The following GRAMD4 variants were observed in gnomAD, a reference collection of about 807,000 sequenced individuals.
GRAMD4 encodes GRAM domain containing 4, also known as GRAM domain-containing protein 4.
Under a neutral mutation model 83.9 loss-of-function variants are expected in GRAMD4, and 25 were observed. That is an observed-to-expected ratio of 0.30 (90% CI 0.22 to 0.42). The LOEUF (loss-of-function observed/expected upper bound fraction) is 0.42. GRAMD4 is among the 10% of genes least tolerant of loss of function. The pLI, the probability that GRAMD4 is intolerant of heterozygous loss-of-function variation, is 1.00. For missense variants in GRAMD4, 593 were observed against 788.7 expected, an observed-to-expected ratio of 0.75 and a Z score of 2.97; for synonymous variants, 336 against 320.9, an observed-to-expected ratio of 1.05 and a Z score of -0.50.
upstream of GRAMD4, among the ~76,000 whole-genome samples, chr22:46,615,485 T>C (rs890634064): frequency 4.3e-5 from 6 of 140,594 alleles, no homozygotes; most frequent in African/African-American, 1.6e-4. Flanking sequence ...TTGTGTAGGT[T>C]CCCCCGTGTG....
intron 1 of GRAMD4, among the ~76,000 whole-genome samples, chr22:46,609,284 T>C (rs2081395364): frequency 6.6e-6 from 1 of 152,216 alleles, no homozygotes; most frequent in Non-Finnish European, 1.5e-5. Context: ...GTCCACCTTC[T>C]CCTGGCTGTG....
At chr22:46,579,396 T>C (rs2081075825) in intron 1 of GRAMD4, among the ~76,000 whole-genome samples, 1 of 152,198 alleles carries the variant, frequency 6.6e-6, no homozygotes, top group African/African-American at 2.4e-5. Flanking sequence ...CCATTTCTGC[T>C]GTAGAATAGA....
intron 10 of GRAMD4, 73 bp downstream of exon 10, chr22:46,666,946 G>T: frequency 2.8e-6 from 3 of 1,087,268 alleles, no homozygotes; most frequent in South Asian, 3.0e-5. Flanking sequence ...TGTAGGCACC[G>T]CTCGGGGAAG....
chr22:46,578,994 G>T (rs1331895739), intron 1 of GRAMD4, among the ~76,000 whole-genome samples: 1 of 152,242 alleles, frequency 6.6e-6, no homozygotes, highest in African/African-American at 2.4e-5. Context: ...CTGCTCTGCT[G>T]CTCTTTCCTC....
downstream of GRAMD4, chr22:46,682,380 A>G: frequency 1.0e-6 from 1 of 963,862 alleles, no homozygotes. Context: ...TCTGTAAATG[A>G]TATGATGACA....
intron 3 of GRAMD4, among the ~76,000 whole-genome samples, chr22:46,650,349 GGAGGGCT>G (rs1428978696): frequency 3.3e-5 from 5 of 149,880 alleles, no homozygotes; most frequent in Non-Finnish European, 7.5e-5. Context: ...GAGGCTGGGT[GGAGGGCT>G]GCGTGTCGAG....
intron 3 of GRAMD4, among the ~76,000 whole-genome samples, chr22:46,641,578 G>T (rs1263430232): frequency 6.6e-6 from 1 of 152,200 alleles, no homozygotes; most frequent in Non-Finnish European, 1.5e-5. Flanking sequence ...TGGTAGACCA[G>T]GTCACCTGCT....
intron 3 of GRAMD4, among the ~76,000 whole-genome samples, chr22:46,644,191 C>CCA (rs2147256750): frequency 6.6e-6 from 1 of 152,372 alleles, no homozygotes; most frequent in African/African-American, 2.4e-5. Context: ...TGCCCCTGTT[C>CCA]TATGTTACAC....
At chr22:46,608,972 G>A (rs909629151) in intron 1 of GRAMD4, among the ~76,000 whole-genome samples, 2 of 151,864 alleles carry the variant, frequency 1.3e-5, no homozygotes, top group African/African-American at 2.4e-5. Flanking sequence ...CAGAGGCTGA[G>A]TTGCGAGGAT....
At chr22:46,667,675 C>G (rs1263511270) in intron 10 of GRAMD4, among the ~76,000 whole-genome samples, 1 of 152,222 alleles carries the variant, frequency 6.6e-6, no homozygotes, top group African/African-American at 2.4e-5. Flanking sequence ...GGGCAAGTAC[C>G]TGGAGGAGGC....
chr22:46,601,190 G>C (rs2147051076), intron 1 of GRAMD4, among the ~76,000 whole-genome samples: 1 of 152,102 alleles, frequency 6.6e-6, no homozygotes, highest in East Asian at 1.9e-4. Context: ...GTGAAGAGGG[G>C]TGCCGACATT....
rs1051398153 is a variant in GRAMD4, at chr22:46,672,253, G to C, written c.1085-590G>C. Among the ~76,000 whole-genome samples, 1 of 152,204 alleles carries C rather than the reference G, an allele frequency of 6.6e-6. No individual in the cohort carries two copies. The highest frequency in any genetic ancestry group is 6.5e-5 in the Admixed American group (1 of 15,280). ...TTTAGTAGGGGGACTGACCATGATT[G>C]TGTCAGGTGACAGTATCGGGGAGAA... is the stretch of plus-strand genomic sequence containing the variant. On this transcript the variant is annotated intron_variant, in intron 13 of 18. Coordinates refer to ENST00000406902, the MANE Select transcript of GRAMD4 (RefSeq NM_015124.5). The surrounding 1 kb of genome is among the most constrained non-coding windows in gnomAD (Gnocchi z 4.7).
At chr22:46,682,369 A>G, downstream of GRAMD4, 7 of 917,480 alleles carry the variant, frequency 7.6e-6, no homozygotes, top group Non-Finnish European at 9.1e-6. Context: ...AGCTGTTACT[A>G]TCTGTAAATG....
chr22:46,629,068 C>A (rs1056389733), intron 2 of GRAMD4, among the ~76,000 whole-genome samples: 1 of 152,040 alleles, frequency 6.6e-6, no homozygotes, highest in Non-Finnish European at 1.5e-5. Context: ...CTGGGGCCCC[C>A]CTTCCTCGAG....
intron 1 of GRAMD4, among the ~76,000 whole-genome samples, chr22:46,592,823 G>A (rs1158560892): frequency 1.3e-5 from 2 of 152,140 alleles, no homozygotes; most frequent in African/African-American, 4.8e-5. Context: ...AGTTCCACAT[G>A]GAGACAATGA....
At chr22:46,653,590 T>C (rs2082198667) in intron 3 of GRAMD4, among the ~76,000 whole-genome samples, 1 of 152,224 alleles carries the variant, frequency 6.6e-6, no homozygotes. Context: ...CTCTGCCGCG[T>C]GGTGGAACCT....
chr22:46,662,476 C>G (rs2082342533), intron 5 of GRAMD4, among the ~76,000 whole-genome samples: 1 of 152,240 alleles, frequency 6.6e-6, no homozygotes, highest in South Asian at 2.1e-4. Context: ...CAGAGGTGTT[C>G]GCTTTTGGTA....
chr22:46,638,860 C>T lies in GRAMD4; in HGVS notation c.283+900C>T, dbSNP rs552199654. Among the ~76,000 whole-genome samples, 17 of 152,322 alleles carry T rather than the reference C, an allele frequency of 1.1e-4. No homozygotes were observed. In the East Asian group the frequency reaches 2.9e-3, roughly 26 times the overall value. ...GCACAGGTCACTTCCTTCTGGGTGT[C>T]GTGCCCAGCCAGGGTCTTTTCCATG... On this transcript the variant is annotated intron_variant, in intron 3 of 18. Transcript: ENST00000406902.
chr22:46,667,683 G>A (rs2082431514), intron 10 of GRAMD4, among the ~76,000 whole-genome samples: 1 of 152,238 alleles, frequency 6.6e-6, no homozygotes, highest in Non-Finnish European at 1.5e-5. Flanking sequence ...ACCTGGAGGA[G>A]GCAGGCTGTT....
Sources: allele counts gnomAD v4.1 joint callset (sites outside exome capture counted in the v4.1 genomes callset), GRCh38; gene constraint gnomAD v4.1.1; non-coding constraint Gnocchi (gnomAD v3.1); transcripts MANE v1.5; gene names NCBI Gene and HGNC (gene_info 2026-07-23, HGNC 2026-07-21).